CASK: variants seen among roughly 807,000 people sequenced by gnomAD.
CASK encodes the protein peripheral plasma membrane protein CASK.
CASK carries 4 observed loss-of-function variants against 82.9 expected under a neutral mutation model. The observed-to-expected ratio is 0.05, with a 90% CI of 0.02 to 0.11. The LOEUF (loss-of-function observed/expected upper bound fraction) is 0.11. Ranked by LOEUF, CASK falls within the 10% of genes least tolerant of loss-of-function variation. The probability of loss-of-function intolerance (pLI) is 1.00; values close to 1 mark genes in which losing one functional copy is unlikely to be tolerated. For missense variants in CASK, 358 were observed against 720.9 expected (o/e 0.50, Z 5.76); for synonymous variants, 259 against 253.5 (o/e 1.02, Z -0.20).
intron 2 of CASK, among the ~76,000 whole-genome samples, chrX:41,798,158 A>T (rs35231485): frequency 0.021 from 2,380 of 111,944 alleles, 34 homozygotes; most frequent in Admixed American, 0.051. Flanking sequence ...TCTTTGGTTA[A>T]TTATTCAGGG....
At position 41,632,772 on chromosome X, in the gene CASK, C is replaced by T. The variant is rs192618350; in HGVS notation, c.915+3806G>A. 4.7e-3 allele frequency among the ~76,000 whole-genome samples: 526 copies of T among 111,102 alleles called. 6 individuals are homozygous for T. Among genetic ancestry groups the T allele is most frequent in the African/African-American group, 0.016 (501 of 30,601 alleles). On this transcript the variant is annotated intron_variant, in intron 9 of 26. Coordinates refer to ENST00000378163, the MANE Select transcript of CASK (RefSeq NM_001367721.1). ...ATTTGCAAAATTAATAAAGGCTGGG[C>T]GCGGTGGCTTATGCCTGTAATCCCA...
intron 2 of CASK, among the ~76,000 whole-genome samples, chrX:41,803,803 C>G (rs2070054338): frequency 9.0e-6 from 1 of 111,220 alleles, no homozygotes; most frequent in South Asian, 3.8e-4. Context: ...AGCAAAAAGG[C>G]AATAACTGAT....
chrX:41,631,408 C>G (rs2066463667), intron 9 of CASK, among the ~76,000 whole-genome samples: 1 of 111,599 alleles, frequency 9.0e-6, no homozygotes, highest in Non-Finnish European at 1.9e-5. Flanking sequence ...GCCTGGGCAA[C>G]AGAGTGAGAC....
At chrX:41,834,394 G>A (rs1398018983) in intron 2 of CASK, among the ~76,000 whole-genome samples, 1 of 111,979 alleles carries the variant, frequency 8.9e-6, no homozygotes, top group Non-Finnish European at 1.9e-5. Context: ...TTTACGAAGA[G>A]TATATATAGA....
At chrX:41,537,073 C>T (rs1348732969) in intron 22 of CASK, among the ~76,000 whole-genome samples, 1 of 111,672 alleles carries the variant, frequency 9.0e-6, no homozygotes, top group Non-Finnish European at 1.9e-5. Context: ...CACACCTATC[C>T]CTCTATAGAG....
intron 2 of CASK, among the ~76,000 whole-genome samples, chrX:41,839,333 G>A (rs1019353655): frequency 1.8e-5 from 2 of 111,277 alleles, no homozygotes; most frequent in African/African-American, 3.3e-5. Flanking sequence ...TCAGAGTTCT[G>A]TAGTTTTCAC....
intron 14 of CASK, among the ~76,000 whole-genome samples, chrX:41,583,563 A>G (rs1182912022): frequency 3.7e-5 from 4 of 109,556 alleles, no homozygotes; most frequent in Middle Eastern, 4.7e-3. Flanking sequence ...CAGCCTCTCA[A>G]GTAGCTGGGA....
At chrX:41,700,827 G>C (rs763741563) in intron 5 of CASK, among the ~76,000 whole-genome samples, 1 of 100,184 alleles carries the variant, frequency 1.0e-5, no homozygotes, top group East Asian at 3.2e-4. Flanking sequence ...TGATCCGCCC[G>C]CCTTTGCCTT....
chrX:41,586,227 T>C (rs2065657309), intron 14 of CASK: 1 of 112,369 alleles, frequency 8.9e-6, no homozygotes, highest in Non-Finnish European at 1.9e-5. Context: ...AAGTCAGATT[T>C]TCTCCCAAAG....
intron 5 of CASK, among the ~76,000 whole-genome samples, chrX:41,691,840 C>CAAAAA (rs397895684): frequency 1.1e-4 from 3 of 28,482 alleles, no homozygotes; most frequent in African/African-American, 1.5e-4. Context: ...GACTCTGTCT[C>CAAAAA]AAAAAAAAAA....
At chrX:41,914,996 T>C (rs780369997) in intron 1 of CASK, among the ~76,000 whole-genome samples, 56 of 112,053 alleles carry the variant, frequency 5.0e-4, no homozygotes, top group Admixed American at 1.1e-3. Context: ...CTTTAAATTG[T>C]TTCTCTGTTA....
intron 21 of CASK, among the ~76,000 whole-genome samples, chrX:41,551,093 G>A (rs986581674): frequency 3.6e-5 from 4 of 111,824 alleles, no homozygotes; most frequent in Non-Finnish European, 3.8e-5. Context: ...TATGTCGGGC[G>A]GATAGGATGA....
intron 2 of CASK, among the ~76,000 whole-genome samples, chrX:41,811,593 G>A (rs1267980129): frequency 3.6e-5 from 4 of 112,555 alleles, no homozygotes; most frequent in South Asian, 3.6e-4. Context: ...AAAGTAGTGT[G>A]TAGAGGGAAA....
intron 5 of CASK, among the ~76,000 whole-genome samples, chrX:41,704,214 A>G (rs972348161): frequency 8.9e-6 from 1 of 111,878 alleles, no homozygotes; most frequent in Non-Finnish European, 1.9e-5. Context: ...TTTGTCAGAC[A>G]CTAGAAGCAA....
intron 1 of CASK, among the ~76,000 whole-genome samples, chrX:41,877,996 T>C (rs907524000): frequency 9.1e-6 from 1 of 110,410 alleles, no homozygotes; most frequent in African/African-American, 3.3e-5. Context: ...CAAAAAAAAA[T>C]ACATTTTAAA....
At chrX:41,563,053 A>AG (rs1168630500) in intron 16 of CASK, among the ~76,000 whole-genome samples, 1 of 103,188 alleles carries the variant, frequency 9.7e-6, no homozygotes, top group East Asian at 3.0e-4. Flanking sequence ...AAAAAAAAAA[A>AG]AAAAAAAAAA....
intron 8 of CASK, among the ~76,000 whole-genome samples, chrX:41,640,639 G>A (rs1569360265): frequency 9.0e-6 from 1 of 111,659 alleles, no homozygotes. Context: ...ATCTTTTCCT[G>A]TGCTTATCTG....
At chrX:41,839,737 T>C (rs1430043146) in intron 2 of CASK, among the ~76,000 whole-genome samples, 1 of 111,721 alleles carries the variant, frequency 9.0e-6, no homozygotes, top group Non-Finnish European at 1.9e-5. Flanking sequence ...GGGAAAAGTA[T>C]TATGAAAAAA....
intron 5 of CASK, among the ~76,000 whole-genome samples, chrX:41,711,910 C>G (rs993371451): frequency 2.1e-4 from 24 of 112,350 alleles, no homozygotes; most frequent in Non-Finnish European, 3.6e-4. Flanking sequence ...TCTTCCCTAC[C>G]CATCCTCACC....
Sources: gnomAD v4.1 joint callset for allele counts (sites outside exome capture counted in the v4.1 genomes callset) on GRCh38, gnomAD v4.1.1 for gene constraint, MANE v1.5 for transcripts, NCBI Gene and HGNC (gene_info 2026-07-23, HGNC 2026-07-21) for gene names.